Variants in SLC6A11 observed in about 807,000 individuals in gnomAD.
SLC6A11 encodes solute carrier family 6 member 11.
SLC6A11 carries 25 observed loss-of-function variants against 74.8 expected under a neutral mutation model. That is an observed-to-expected ratio of 0.33 (90% CI 0.24 to 0.47). The LOEUF (loss-of-function observed/expected upper bound fraction) is 0.47. SLC6A11 is among the 20% of genes least tolerant of loss of function. The probability of loss-of-function intolerance (pLI) is 1.00; values close to 1 mark genes in which losing one functional copy is unlikely to be tolerated. For missense variants in SLC6A11, 574 were observed against 837.0 expected (o/e 0.69, Z 3.88); for synonymous variants, 330 against 330.2 (o/e 1.00, Z 0.01).
intron 5 of SLC6A11, among the ~76,000 whole-genome samples, chr3:10,851,019 G>C (rs1208137610): frequency 6.6e-6 from 1 of 152,174 alleles, no homozygotes; most frequent in East Asian, 1.9e-4. Flanking sequence ...GAACAGGGGT[G>C]GTTGACCCGG....
rs367894283 is a variant in SLC6A11 at position 10,938,361 on chromosome 3, G to A, written c.1858G>A (p.Gly620Arg). 1.6e-5 allele frequency: 25 copies of A among 1,611,226 alleles called. No homozygotes were observed. Among genetic ancestry groups the A allele is most frequent in the African/African-American group, 1.2e-4 (9 of 74,864 alleles). ...NDCDAKLKSD[G>R]TIAAITEKET... ...CTGTGATGCCAAACTCAAGAGTGAC[G>A]GGACCATCGCAGCCATCACAGAGAA... Residue 620 changes from glycine (G) to arginine (R), a missense_variant, in exon 14 of 14, where the codon GGG becomes AGG. Physicochemically the swap from Gly to Arg is moderately radical, Grantham distance 125 (BLOSUM62 -2). Around this residue, in one of 4 missense-constraint regions of SLC6A11, gnomAD observed 257 missense variants for 341.5 expected, o/e 0.75. Transcript: ENST00000254488.
At chr3:10,819,053 CT>C (rs1694101144) in intron 1 of SLC6A11, among the ~76,000 whole-genome samples, 1 of 152,166 alleles carries the variant, frequency 6.6e-6, no homozygotes, top group Non-Finnish European at 1.5e-5. Context: ...AGGGGTGCCC[CT>C]CACCTGGTCT....
Position 10,816,660 on chromosome 3 carries a change from G to A in SLC6A11, c.256+139G>A. Reference sequence around the variant, plus strand: ...AGAACCTCGACTCCAGGCACCTCGCGTGTGAGCTCGCCCCGGAGCGCGGCC... The same window carrying A: ...AGAACCTCGACTCCAGGCACCTCGCATGTGAGCTCGCCCCGGAGCGCGGCC... On this transcript the variant is annotated intron_variant, in intron 1 of 13. Transcript: ENST00000254488. This position sits in a 1 kb window ranked among gnomAD's most constrained non-coding sequence, Gnocchi z 4.2. 1.1e-6 allele frequency: 1 copy of A among 910,848 alleles called. No homozygotes were observed. Among genetic ancestry groups the A allele is most frequent in the South Asian group, 2.1e-5 (1 of 47,044 alleles). 56.4% of individuals were successfully genotyped at this position (910,848 alleles called of 1,614,324 possible).
Position 10,902,470 on chromosome 3 carries a change from T to C in SLC6A11, c.892-9620T>C, listed in dbSNP as rs973411574. ...GAAATGACGTGGGTGCTTGTTTGCA[T>C]AGTATAGTTGAGAATCGTCAGCCAC... is the stretch of plus-strand genomic sequence containing the variant. On this transcript the variant is annotated intron_variant, in intron 6 of 13. Transcript: ENST00000254488. Among the ~76,000 whole-genome samples, 4 of 152,322 alleles carry C rather than the reference T, an allele frequency of 2.6e-5. No individual in the cohort carries two copies. In the South Asian group the frequency reaches 6.2e-4, roughly 24 times the overall value.
intron 4 of SLC6A11, among the ~76,000 whole-genome samples, chr3:10,836,593 C>T (rs924763866): frequency 3.9e-5 from 6 of 152,162 alleles, no homozygotes; most frequent in African/African-American, 1.2e-4. Flanking sequence ...CATTTCAATG[C>T]GGAACACTTC....
rs1695484036 is a variant in SLC6A11, at chr3:10,918,185, G to A, written c.996-144G>A. The stretch of plus-strand genomic sequence containing the variant: ...CACCTAACCTCTCTGAACCATGAGT[G>A]CTCCATCAGAAAAACAGAGCTCCCT... On this transcript the variant is annotated intron_variant, in intron 7 of 13. Transcript: ENST00000254488. The surrounding 1 kb of genome is among the most constrained non-coding windows in gnomAD (Gnocchi z 4.5). 1 of 825,622 alleles carries A rather than the reference G, an allele frequency of 1.2e-6. No individual in the cohort carries two copies. Among genetic ancestry groups the A allele is most frequent in the Admixed American group, 3.6e-5 (1 of 27,612 alleles). The allele number at this position is 825,622 out of a possible 1,614,324, so 51.1% of individuals were successfully genotyped here.
intron 8 of SLC6A11, among the ~76,000 whole-genome samples, chr3:10,922,357 C>G (rs1397507817): frequency 6.6e-6 from 1 of 152,130 alleles, no homozygotes; most frequent in Non-Finnish European, 1.5e-5. Flanking sequence ...ATTTGACACC[C>G]ATTTACAATA....
intron 10 of SLC6A11, among the ~76,000 whole-genome samples, chr3:10,930,025 A>G (rs1695664788): frequency 6.6e-6 from 1 of 152,252 alleles, no homozygotes; most frequent in Non-Finnish European, 1.5e-5. Flanking sequence ...AAAACAAAAA[A>G]AAGAACTGTT....
chr3:10,860,594 G>A (rs943378158), intron 5 of SLC6A11, among the ~76,000 whole-genome samples: 1 of 152,212 alleles, frequency 6.6e-6, no homozygotes, highest in African/African-American at 2.4e-5. Context: ...AGGAGGGCAA[G>A]GGTTGTAAGA....
chr3:10,875,125 C>T, intron 6 of SLC6A11, 30 bp downstream of exon 6: 2 of 1,555,420 alleles, frequency 1.3e-6, no homozygotes, highest in Non-Finnish European at 1.7e-6. Context: ...TGTGCAGCAT[C>T]ACCCACCACC....
At chr3:10,914,156 G>A (rs1695424031) in intron 7 of SLC6A11, among the ~76,000 whole-genome samples, 1 of 152,126 alleles carries the variant, frequency 6.6e-6, no homozygotes, top group Non-Finnish European at 1.5e-5. Flanking sequence ...GCATTTGAAA[G>A]AACTTTCACC....
At chr3:10,924,811 A>G (rs1695581082) in intron 8 of SLC6A11, among the ~76,000 whole-genome samples, 1 of 152,246 alleles carries the variant, frequency 6.6e-6, no homozygotes, top group East Asian at 1.9e-4. Flanking sequence ...CACTGTAATG[A>G]CACATCTTAA....
chr3:10,823,078 G>C (rs919296764), intron 3 of SLC6A11, among the ~76,000 whole-genome samples: 4 of 152,208 alleles, frequency 2.6e-5, no homozygotes, highest in Non-Finnish European at 1.5e-5. Context: ...TTAGGAATGG[G>C]AGAGAGAAGG....
chr3:10,823,470 C>T, intron 4 of SLC6A11, 78 bp downstream of exon 4: 1 of 975,174 alleles, frequency 1.0e-6, no homozygotes, highest in East Asian at 2.4e-5. Flanking sequence ...TGCCCCTATT[C>T]CTGGAAAAAG....
intron 10 of SLC6A11, among the ~76,000 whole-genome samples, chr3:10,931,512 G>A (rs1307460431): frequency 1.3e-5 from 2 of 152,154 alleles, no homozygotes; most frequent in Admixed American, 1.3e-4. Context: ...TGTCACAGAT[G>A]GGAGAACCCA....
intron 5 of SLC6A11, among the ~76,000 whole-genome samples, chr3:10,874,635 A>C (rs1022079484): frequency 6.6e-6 from 1 of 152,158 alleles, no homozygotes. Context: ...GATACATCTC[A>C]CTACTGAAAC....
intron 3 of SLC6A11, among the ~76,000 whole-genome samples, chr3:10,822,909 G>A (rs1432894747): frequency 2.0e-5 from 3 of 152,128 alleles, no homozygotes; most frequent in Non-Finnish European, 4.4e-5. Context: ...ACTGCCCCAA[G>A]GTCACCATGG....
In SLC6A11 at chr3:10,926,005, C is replaced by T; in HGVS notation, c.1122C>T (p.Gly374=). Residue 374 remains glycine, a splice_region_variant and synonymous_variant, in exon 9 of 14, where the codon GGC becomes GGT. Transcript: ENST00000254488. The surrounding 1 kb of genome is among the most constrained non-coding windows in gnomAD (Gnocchi z 5.7). ...CTTTCTCTCTCTCCCTCGCTCCAGG[C>T]CCCGGCCTGGCCTTTATTGCGTACC... The part of the protein sequence containing the change: ...GVPIAEVAES[G]PGLAFIAYPK... 10 of 1,593,974 alleles carry T rather than the reference C, an allele frequency of 6.3e-6. No individual in the cohort carries two copies. The highest frequency in any genetic ancestry group is 7.7e-6 in the Non-Finnish European group (9 of 1,163,004).
At chr3:10,860,172 G>A (rs1192149625) in intron 5 of SLC6A11, among the ~76,000 whole-genome samples, 1 of 152,164 alleles carries the variant, frequency 6.6e-6, no homozygotes, top group Non-Finnish European at 1.5e-5. Flanking sequence ...GAGACATAGT[G>A]TAATCTTTTT....
Sources: allele counts gnomAD v4.1 joint callset (sites outside exome capture counted in the v4.1 genomes callset), GRCh38; gene constraint gnomAD v4.1.1; regional missense constraint gnomAD v4.1.1; non-coding constraint Gnocchi (gnomAD v3.1); transcripts MANE v1.5; gene names NCBI Gene and HGNC (gene_info 2026-07-23, HGNC 2026-07-21).